Variants in HGF observed in about 807,000 individuals in gnomAD.
HGF encodes the protein fibroblast-derived tumor cytotoxic factor.
A neutral mutation model predicts 111.6 loss-of-function variants in HGF; 39 were observed. The ratio of observed to expected loss-of-function variants is 0.35; its 90% CI spans 0.27 to 0.46. HGF has a LOEUF of 0.46. Among genes scored for constraint, HGF ranks in the 20% least tolerant of loss-of-function variants. HGF has a pLI of 1.00. For missense variants in HGF, 735 were observed against 910.5 expected, an observed-to-expected ratio of 0.81 and a Z score of 2.48; for synonymous variants, 285 against 294.8, an observed-to-expected ratio of 0.97 and a Z score of 0.34.
chr7:81,733,414 C>T (rs897243813), intron 7 of HGF, among the ~76,000 whole-genome samples: 2 of 151,470 alleles, frequency 1.3e-5, no homozygotes, highest in Non-Finnish European at 2.9e-5. Context: ...AATAAATATC[C>T]ATAACTTTAA....
intron 2 of HGF, among the ~76,000 whole-genome samples, chr7:81,760,980 T>C (rs1455713123): frequency 1.3e-5 from 2 of 152,134 alleles, no homozygotes; most frequent in African/African-American, 2.4e-5. Flanking sequence ...AGTATACGGT[T>C]GACTAATGTG....
intron 7 of HGF, among the ~76,000 whole-genome samples, chr7:81,742,326 T>C (rs1286082975): frequency 6.6e-6 from 1 of 152,240 alleles, no homozygotes; most frequent in Non-Finnish European, 1.5e-5. Flanking sequence ...CAGTTAGGTT[T>C]GTTCAGAGGA....
intron 5 of HGF, chr7:81,750,998 A>G (rs1048343033): frequency 2.0e-6 from 2 of 977,200 alleles, no homozygotes; most frequent in East Asian, 1.1e-4. Flanking sequence ...GAATTTACAA[A>G]CAGAGATGGA....
At chr7:81,730,852 A>G (rs1166128684) in intron 7 of HGF, among the ~76,000 whole-genome samples, 1 of 152,190 alleles carries the variant, frequency 6.6e-6, no homozygotes, top group Non-Finnish European at 1.5e-5. Context: ...CTCTGGATGA[A>G]ACTCAAGTTG....
chr7:81,715,148 G>A (rs1279465102), intron 11 of HGF, among the ~76,000 whole-genome samples: 3 of 152,056 alleles, frequency 2.0e-5, no homozygotes, highest in Non-Finnish European at 4.4e-5. Context: ...CCATGCATAT[G>A]TGCTAGATAG....
At position 81,735,765 on chromosome 7, in the gene HGF, C is replaced by T. The variant is rs891333093; in HGVS notation, c.866-5986G>A. ...TTTAAACAAAAATAATTTATCTTCTCACATTGCTGGAGGCTAGGAAGTTCA... is the reference window on the plus strand; with the variant it reads ...TTTAAACAAAAATAATTTATCTTCTTACATTGCTGGAGGCTAGGAAGTTCA... On this transcript the variant is annotated intron_variant, in intron 7 of 17. Coordinates refer to ENST00000222390, the MANE Select transcript of HGF (RefSeq NM_000601.6). 3.9e-5 allele frequency among the ~76,000 whole-genome samples: 6 copies of T among 152,160 alleles called. No homozygotes were observed. The East Asian group carries it at 5.8e-4, about 15-fold the overall frequency.
chr7:81,711,112 A>G (rs1307458444), intron 12 of HGF, among the ~76,000 whole-genome samples: 1 of 152,178 alleles, frequency 6.6e-6, no homozygotes, highest in Non-Finnish European at 1.5e-5. Flanking sequence ...ATAACTTTCC[A>G]ACTTTCAGGT....
At chr7:81,751,715 A>G (rs1366672734) in intron 5 of HGF, 4 of 1,038,472 alleles carry the variant, frequency 3.9e-6, no homozygotes, top group Non-Finnish European at 4.6e-6. Flanking sequence ...GATAGTTTGG[A>G]CAGAATTTCT....
At chr7:81,764,104 A>C (rs1328828386) in intron 1 of HGF, among the ~76,000 whole-genome samples, 1 of 152,156 alleles carries the variant, frequency 6.6e-6, no homozygotes, top group Non-Finnish European at 1.5e-5. Flanking sequence ...CTGTGTTGAA[A>C]TGTGTCAAAA....
chr7:81,756,187 T>C lies in HGF; in HGVS notation c.482+1002A>G, dbSNP rs1283830551. 3 of 596,774 alleles carry C rather than the reference T, an allele frequency of 5.0e-6. No individual in the cohort carries two copies. In the Admixed American group the frequency reaches 9.0e-5, roughly 18 times the overall value. 37.0% of individuals were successfully genotyped at this position (596,774 alleles called of 1,614,324 possible). On this transcript the variant is annotated intron_variant, in intron 4 of 17. Transcript: ENST00000222390. The stretch of plus-strand genomic sequence containing the variant: ...CTTATATTCTGGCCATGTCACTTCC[T>C]AGTTGTGCATGACACTGAAAACTTA...
rs749078919 is a variant in HGF, at chr7:81,725,899, G to T, written c.1159C>A (p.His387Asn). 6.2e-7 allele frequency: 1 copy of T among 1,614,074 alleles called. No individual in the cohort carries two copies. The highest frequency in any genetic ancestry group is 8.5e-7 in the Non-Finnish European group (1 of 1,179,966). ...CSQIPNCDMS[H>N]GQDCYRGNGK... is the part of the protein sequence containing the mutation. ...GAATGTCAGCTATTACCTTGTCCAT[G>T]TGACATATCACAGTTTGGAATTTGG... Residue 387 changes from histidine to asparagine, a missense_variant, in exon 9 of 18, where the codon CAT becomes AAT. His to Asn is a moderately conservative substitution (Grantham distance 68). Around this residue, in one of 3 missense-constraint regions of HGF, gnomAD observed 553 missense variants for 685.6 expected, o/e 0.81. Coordinates refer to ENST00000222390, the MANE Select transcript of HGF (RefSeq NM_000601.6).
chr7:81,721,119 C>T (rs999173981), intron 9 of HGF, among the ~76,000 whole-genome samples: 6 of 152,018 alleles, frequency 3.9e-5, no homozygotes, highest in African/African-American at 7.2e-5. Flanking sequence ...TGGTGGTGGG[C>T]GCCTGTAGTC....
chr7:81,747,777 T>C (rs1788331903), intron 5 of HGF, among the ~76,000 whole-genome samples: 1 of 151,924 alleles, frequency 6.6e-6, no homozygotes, highest in African/African-American at 2.4e-5. Flanking sequence ...GGTCAGGAGT[T>C]TGAGACCACC....
intron 2 of HGF, among the ~76,000 whole-genome samples, chr7:81,760,521 T>A (rs563006847): frequency 6.6e-6 from 1 of 152,344 alleles, no homozygotes; most frequent in South Asian, 2.1e-4. Flanking sequence ...ACGGTATTTT[T>A]CATTGTTTTT....
In HGF at chr7:81,767,444, A is replaced by G. The variant is rs529736007; in HGVS notation, c.88+2440T>C. On this transcript the variant is annotated intron_variant, in intron 1 of 17. Transcript: ENST00000222390. ...GCCAATCTTATTAGAATTAAGTGAG[A>G]TGTACTTTACTACTTGGTTCATATC... Among the ~76,000 whole-genome samples, 18 of 152,290 alleles carry G rather than the reference A, an allele frequency of 1.2e-4. No homozygotes were observed. In the South Asian group the frequency reaches 1.9e-3, roughly 16 times the overall value.
At position 81,762,519 on chromosome 7, in the gene HGF, C is replaced by T. The variant is rs5745629; in HGVS notation, c.254+188G>A. Among the ~76,000 whole-genome samples, 3,112 of 152,272 alleles carry T rather than the reference C, an allele frequency of 0.02. 92 individuals carry two copies. Among genetic ancestry groups the T allele is most frequent in the African/African-American group, 0.069 (2,858 of 41,548 alleles). ...ATTTTAGAAGGTAGCAGTTTTTGCG[C>T]TCTCCCTTACTCAAGCTATGTTTCC... is the stretch of plus-strand genomic sequence containing the variant. On this transcript the variant is annotated intron_variant, in intron 2 of 17. Coordinates refer to ENST00000222390, the MANE Select transcript of HGF (RefSeq NM_000601.6).
intron 6 of HGF, among the ~76,000 whole-genome samples, 165 bp from the exon 7 acceptor site, chr7:81,743,636 T>C (rs957418949): frequency 5.9e-4 from 89 of 152,136 alleles, no homozygotes; most frequent in Non-Finnish European, 5.3e-4. Context: ...GACTATTGAA[T>C]CTACTAATTT....
At chr7:81,728,483 T>G (rs946509695) in intron 8 of HGF, among the ~76,000 whole-genome samples, 1 of 152,244 alleles carries the variant, frequency 6.6e-6, no homozygotes, top group Non-Finnish European at 1.5e-5. Flanking sequence ...TTATAACTAA[T>G]ATTTTCTCTG....
rs770152785 is a variant in HGF at position 81,729,740 on chromosome 7, G to A, written c.905C>T (p.Thr302Ile). ...TMNDTDVPLE[T>I]TECIQGQGEG... is the part of the protein sequence containing the mutation. The stretch of plus-strand genomic sequence containing the variant: ...TCCTTGACCTTGGATGCATTCAGTT[G>A]TTTCCAAAGGAACATCAGTGTCATT... Residue 302 changes from threonine to isoleucine, a missense_variant, in exon 8 of 18, where the codon ACA (threonine) becomes ATA (isoleucine). Physicochemically the swap from Thr to Ile is moderately conservative, Grantham distance 89. Transcript: ENST00000222390. 5 of 1,613,854 alleles carry A rather than the reference G, an allele frequency of 3.1e-6. No individual in the cohort carries two copies. Among genetic ancestry groups the A allele is most frequent in the Non-Finnish European group, 3.4e-6 (4 of 1,179,954 alleles).
Sources: allele counts gnomAD v4.1 joint callset (sites outside exome capture counted in the v4.1 genomes callset), GRCh38; gene constraint gnomAD v4.1.1; regional missense constraint gnomAD v4.1.1; transcripts MANE v1.5; gene names NCBI Gene and HGNC (gene_info 2026-07-23, HGNC 2026-07-21).